SLC24A2: variants seen among roughly 807,000 people sequenced by gnomAD.
SLC24A2 encodes the protein solute carrier family 24 member 2, also known as sodium/potassium/calcium exchanger 2.
A neutral mutation model predicts 62.0 loss-of-function variants in SLC24A2; 36 were observed. The observed-to-expected ratio is 0.58, with a 90% CI of 0.44 to 0.77. SLC24A2 has a LOEUF of 0.77. SLC24A2 is among the 30% of genes least tolerant of loss of function. The pLI is 0.00. For missense variants in SLC24A2, 846 were observed against 817.9 expected (o/e 1.03, Z -0.42); for synonymous variants, 358 against 294.0 (o/e 1.22, Z -2.23).
At chr9:20,265,860 G>A in the SLC24A2 span, among the ~76,000 whole-genome samples, 725 of 152,284 alleles carry the variant, frequency 4.8e-3, 5 homozygotes, top group African/African-American at 0.016. Context: ...ATGAGTCCCT[G>A]AGGGTGGGCC....
intron 2 of SLC24A2, among the ~76,000 whole-genome samples, chr9:19,686,183 G>C (rs1178068125): frequency 6.6e-6 from 1 of 152,116 alleles, no homozygotes; most frequent in Non-Finnish European, 1.5e-5. Flanking sequence ...TTAATCATTA[G>C]AGAAATGCAA....
At chr9:19,828,862 C>T in the SLC24A2 span, among the ~76,000 whole-genome samples, 1 of 152,120 alleles carries the variant, frequency 6.6e-6, no homozygotes, top group African/African-American at 2.4e-5. Flanking sequence ...GCTTGCTGCT[C>T]AGGCTCAGAG....
At chr9:20,040,642 G>A in the SLC24A2 span, among the ~76,000 whole-genome samples, 7 of 152,268 alleles carry the variant, frequency 4.6e-5, no homozygotes, top group Middle Eastern at 3.4e-3. Flanking sequence ...TGGCTACATA[G>A]AAATACATGA....
the SLC24A2 span, among the ~76,000 whole-genome samples, chr9:20,230,259 T>C: frequency 1.3e-5 from 2 of 152,234 alleles, no homozygotes; most frequent in African/African-American, 4.8e-5. Flanking sequence ...AGTAATGGGA[T>C]GGCTGGGTCA....
intron 2 of SLC24A2, among the ~76,000 whole-genome samples, chr9:19,680,593 A>G (rs1819692110): frequency 1.6e-5 from 2 of 126,330 alleles, no homozygotes; most frequent in African/African-American, 5.6e-5. Context: ...AGAAATGCAG[A>G]TAGTTCTATA....
At chr9:19,601,515 C>G (rs1172644954) in intron 4 of SLC24A2, among the ~76,000 whole-genome samples, 1 of 152,174 alleles carries the variant, frequency 6.6e-6, no homozygotes, top group African/African-American at 2.4e-5. Flanking sequence ...CCACGAAGGT[C>G]CACGGCTCCA....
the SLC24A2 span, among the ~76,000 whole-genome samples, chr9:20,302,497 T>C: frequency 1.3e-5 from 2 of 152,248 alleles, no homozygotes; most frequent in Non-Finnish European, 2.9e-5. Context: ...GGAACTTCTT[T>C]TCATATGCTT....
chr9:20,288,225 C>G, the SLC24A2 span, among the ~76,000 whole-genome samples: 1 of 152,186 alleles, frequency 6.6e-6, no homozygotes, highest in Non-Finnish European at 1.5e-5. Flanking sequence ...GTATTTTCTG[C>G]ATCTGCCTGT....
At chr9:20,293,136 G>GA in the SLC24A2 span, among the ~76,000 whole-genome samples, 1 of 152,152 alleles carries the variant, frequency 6.6e-6, no homozygotes, top group East Asian at 1.9e-4. Flanking sequence ...TTGGATTAGG[G>GA]ACCAGTCCTA....
the SLC24A2 span, among the ~76,000 whole-genome samples, chr9:20,186,133 G>A: frequency 9.9e-5 from 15 of 152,060 alleles, no homozygotes. Context: ...AGTCCACTGT[G>A]AGCACATAGC....
At chr9:20,258,492 C>T in the SLC24A2 span, among the ~76,000 whole-genome samples, 28 of 152,262 alleles carry the variant, frequency 1.8e-4, no homozygotes, top group South Asian at 1.9e-3. Flanking sequence ...TGGAACAAAA[C>T]GCTATAAGAA....
At chr9:19,543,021 C>T (rs562837620) in intron 8 of SLC24A2, among the ~76,000 whole-genome samples, 1 of 152,260 alleles carries the variant, frequency 6.6e-6, no homozygotes, top group African/African-American at 2.4e-5. Context: ...GTACCAGCTC[C>T]TCTTTGTACC....
intron 2 of SLC24A2, among the ~76,000 whole-genome samples, chr9:19,751,481 A>T (rs1821982424): frequency 6.6e-6 from 1 of 152,132 alleles, no homozygotes; most frequent in Non-Finnish European, 1.5e-5. Flanking sequence ...GTGGGCTGGG[A>T]CCTGGAGGAT....
chr9:20,041,074 C>G, the SLC24A2 span, among the ~76,000 whole-genome samples: 2 of 152,164 alleles, frequency 1.3e-5, no homozygotes, highest in Non-Finnish European at 2.9e-5. Context: ...GAAGCAATGT[C>G]TAAAAATAAA....
At chr9:19,949,902 G>A in the SLC24A2 span, among the ~76,000 whole-genome samples, 272 of 152,288 alleles carry the variant, frequency 1.8e-3, 1 homozygote, top group African/African-American at 6.0e-3. Flanking sequence ...GTGGTTTCAC[G>A]GAGTGCCTTG....
In SLC24A2 at chr9:19,599,795, C is replaced by T. The variant is rs746543410; in HGVS notation, c.1079-2516G>A. Among the ~76,000 whole-genome samples the T allele has an allele frequency of 3.3e-5, 5 of 152,202 alleles. No homozygotes were observed. The highest frequency in any genetic ancestry group is 7.3e-5 in the Non-Finnish European group (5 of 68,034). On this transcript the variant is annotated intron_variant, in intron 4 of 10. Transcript: ENST00000341998. This position sits in a 1 kb window ranked among gnomAD's most constrained non-coding sequence, Gnocchi z 4.5. ...CCCATGATGCCTCCTGGAACGTACC[C>T]TTGCCCACTGTCTATTGACAGCCTG...
the SLC24A2 span, among the ~76,000 whole-genome samples, chr9:20,295,855 C>T: frequency 6.6e-6 from 1 of 152,184 alleles, no homozygotes; most frequent in Non-Finnish European, 1.5e-5. Context: ...CATGGAACTT[C>T]TCAGCCTCCA....
the SLC24A2 span, among the ~76,000 whole-genome samples, chr9:20,136,938 G>T: frequency 3.3e-5 from 5 of 152,166 alleles, no homozygotes; most frequent in East Asian, 7.7e-4. Flanking sequence ...GTGGAGATGG[G>T]CAAATTGAGT....
chr9:19,727,130 G>T (rs1322831546), intron 2 of SLC24A2, among the ~76,000 whole-genome samples: 2 of 152,132 alleles, frequency 1.3e-5, no homozygotes, highest in East Asian at 3.9e-4. Context: ...TTCTGTGTCT[G>T]TGGGCTCTAC....
Sources: gnomAD v4.1 joint callset for allele counts (sites outside exome capture counted in the v4.1 genomes callset) on GRCh38, gnomAD v4.1.1 for gene constraint, Gnocchi (gnomAD v3.1) non-coding constraint, MANE v1.5 for transcripts, NCBI Gene and HGNC (gene_info 2026-07-23, HGNC 2026-07-21) for gene names.